TRHDE: variants seen among roughly 807,000 people sequenced by gnomAD.
TRHDE encodes thyrotropin-releasing hormone-degrading ectoenzyme.
A neutral mutation model predicts 125.7 loss-of-function variants in TRHDE; 72 were observed. The observed-to-expected ratio is 0.57, with a 90% CI of 0.47 to 0.70. The LOEUF is 0.70. Ranked by LOEUF, TRHDE falls within the 30% of genes least tolerant of loss-of-function variation. TRHDE has a pLI of 0.00. For synonymous variants in TRHDE, 509 were observed against 509.1 expected (o/e 1.00, Z 0.00); for missense variants, 1,110 against 1,327.1 (o/e 0.84, Z 2.54).
intron 15 of TRHDE, among the ~76,000 whole-genome samples, chr12:72,634,062 C>T (rs1873612773): frequency 6.6e-6 from 1 of 152,038 alleles, no homozygotes; most frequent in Non-Finnish European, 1.5e-5. Context: ...CCTGCCAAAC[C>T]CTTTATATAC....
chr12:72,183,009 G>T (rs771825856), intron 2 of TRHDE, among the ~76,000 whole-genome samples: 1 of 152,180 alleles, frequency 6.6e-6, no homozygotes, highest in Non-Finnish European at 1.5e-5. Flanking sequence ...ATATCAAACA[G>T]TTGGCAGAAA....
chr12:72,156,822 C>T (rs1876523459), intron 2 of TRHDE, among the ~76,000 whole-genome samples: 1 of 152,178 alleles, frequency 6.6e-6, no homozygotes, highest in African/African-American at 2.4e-5. Context: ...TATTTTATGG[C>T]CCCAAGTATA....
At position 72,656,970 on chromosome 12, in the gene TRHDE, G is replaced by A. The variant is rs1874731251; in HGVS notation, c.3028G>A (p.Val1010Ile). The A allele has an allele frequency of 6.2e-7, 1 of 1,610,818 alleles. No homozygotes were observed. Among genetic ancestry groups the A allele is most frequent in the Non-Finnish European group, 8.5e-7 (1 of 1,177,940 alleles). Residue 1010 changes from valine (V) to isoleucine (I), a missense_variant, in exon 18 of 19, where the codon GTC becomes ATC. Physicochemically the swap from Val to Ile is conservative, Grantham distance 29. Transcript: ENST00000261180. ...TATGAATTCCAAACTCATCAGTGGT[G>A]TCACAGAATTTCTTAATACTGAAGG... ...LFMNSKLISG[V>I]TEFLNTEGEL...
intron 2 of TRHDE, among the ~76,000 whole-genome samples, chr12:72,321,661 G>A (rs535677727): frequency 3.0e-4 from 46 of 152,224 alleles, no homozygotes; most frequent in African/African-American, 1.1e-3. Flanking sequence ...TATACATTAT[G>A]TTCTAAATAT....
chr12:72,181,065 A>G (rs1877087361), intron 2 of TRHDE, among the ~76,000 whole-genome samples: 1 of 152,188 alleles, frequency 6.6e-6, no homozygotes, highest in African/African-American at 2.4e-5. Flanking sequence ...ATAAGAAGGT[A>G]GAAGAAGACT....
At chr12:72,303,722 G>C (rs186313036) in intron 2 of TRHDE, among the ~76,000 whole-genome samples, 77 of 152,222 alleles carry the variant, frequency 5.1e-4, no homozygotes, top group African/African-American at 1.8e-3. Flanking sequence ...GTCACACACA[G>C]AGCATGTCTT....
At position 72,281,526 on chromosome 12, in the gene TRHDE, C is replaced by G. The variant is rs143162239; in HGVS notation, c.915-5155C>G. Among the ~76,000 whole-genome samples the G allele has an allele frequency of 8.5e-3, 1,300 of 152,190 alleles. 17 individuals carry two copies. Among genetic ancestry groups the G allele is most frequent in the African/African-American group, 0.028 (1,158 of 41,534 alleles). ...TGCAATATTAGAGAAATTGCAGTTG[C>G]TATAGAAGTAGGTTCAAAATCATTT... On this transcript the variant is annotated intron_variant, in intron 1 of 18. Transcript: ENST00000261180.
chr12:72,607,208 A>ACTT (rs1872481824), intron 12 of TRHDE, among the ~76,000 whole-genome samples: 1 of 152,136 alleles, frequency 6.6e-6, no homozygotes, highest in African/African-American at 2.4e-5. Flanking sequence ...CGCACTGTGC[A>ACTT]CTTTTATGTG....
intron 2 of TRHDE, among the ~76,000 whole-genome samples, chr12:72,300,238 A>G (rs1202762100): frequency 6.6e-6 from 1 of 152,072 alleles, no homozygotes; most frequent in Non-Finnish European, 1.5e-5. Flanking sequence ...TTTTTGAATC[A>G]TTGTGCTAAT....
intron 13 of TRHDE, 97 bp from the exon 14 acceptor site, chr12:72,621,011 A>AT: frequency 1.7e-6 from 1 of 588,032 alleles, no homozygotes; most frequent in South Asian, 2.3e-5. Flanking sequence ...AAGTAGGTAC[A>AT]TTTTAAGAAT....
chr12:72,441,964 A>G (rs1324706490), intron 3 of TRHDE, among the ~76,000 whole-genome samples: 1 of 152,038 alleles, frequency 6.6e-6, no homozygotes, highest in Non-Finnish European at 1.5e-5. Flanking sequence ...CCTTGTGAAC[A>G]CTAAGCAAAA....
intron 1 of TRHDE, among the ~76,000 whole-genome samples, chr12:72,280,830 A>G (rs1879670775): frequency 6.6e-6 from 1 of 152,202 alleles, no homozygotes. Flanking sequence ...ATCATTAGAT[A>G]TTGTTCCTAA....
intron 2 of TRHDE, among the ~76,000 whole-genome samples, chr12:72,368,493 G>A (rs899040007): frequency 2.6e-5 from 4 of 151,900 alleles, no homozygotes; most frequent in Admixed American, 6.6e-5. Flanking sequence ...ACCTTGTTCC[G>A]CTGAGTCACC....
intron 1 of TRHDE, among the ~76,000 whole-genome samples, chr12:72,276,083 A>G (rs1565681001): frequency 6.6e-6 from 1 of 152,132 alleles, no homozygotes; most frequent in African/African-American, 2.4e-5. Flanking sequence ...AGTTATGCAA[A>G]CTTTCTATTT....
chr12:72,320,534 G>C (rs1869034401), intron 2 of TRHDE, among the ~76,000 whole-genome samples: 1 of 130,318 alleles, frequency 7.7e-6, no homozygotes, highest in African/African-American at 2.8e-5. Context: ...TATGGATACA[G>C]AGGGTTGACT....
intron 6 of TRHDE, among the ~76,000 whole-genome samples, chr12:72,525,698 G>A (rs1198192064): frequency 6.6e-6 from 1 of 151,658 alleles, no homozygotes. Flanking sequence ...TTCAGTATCA[G>A]TGAGCTATGG....
intron 4 of TRHDE, among the ~76,000 whole-genome samples, chr12:72,470,729 C>G (rs1876601237): frequency 6.6e-6 from 1 of 151,930 alleles, no homozygotes; most frequent in Non-Finnish European, 1.5e-5. Context: ...TTGTTAGAAG[C>G]TGAAAAAACT....
intron 2 of TRHDE, among the ~76,000 whole-genome samples, chr12:72,293,846 C>T (rs1280501658): frequency 6.6e-6 from 1 of 152,224 alleles, no homozygotes; most frequent in Non-Finnish European, 1.5e-5. Flanking sequence ...GCTCACACTA[C>T]TGGCCTAGGT....
chr12:72,419,582 C>T (rs1015750383), intron 3 of TRHDE, among the ~76,000 whole-genome samples: 2 of 152,082 alleles, frequency 1.3e-5, no homozygotes, highest in Non-Finnish European at 2.9e-5. Context: ...AAAAATCATT[C>T]ACTATCTCAA....
Sources: gnomAD v4.1 joint callset for allele counts (sites outside exome capture counted in the v4.1 genomes callset) on GRCh38, gnomAD v4.1.1 for gene constraint, MANE v1.5 for transcripts, NCBI Gene and HGNC (gene_info 2026-07-23, HGNC 2026-07-21) for gene names.